Variants in TMEM41B observed in about 807,000 individuals in gnomAD.
TMEM41B encodes the protein protein stasimon.
A neutral mutation model predicts 31.9 loss-of-function variants in TMEM41B; 18 were observed. That is an observed-to-expected ratio of 0.56 (90% confidence interval 0.39 to 0.84). The LOEUF is 0.84. Among genes scored for constraint, TMEM41B ranks in the 40% least tolerant of loss-of-function variants. TMEM41B has a pLI of 0.00. For missense variants in TMEM41B, 322 were observed against 348.0 expected, an observed-to-expected ratio of 0.93 and a Z score of 0.59; for synonymous variants, 144 against 124.3, an observed-to-expected ratio of 1.16 and a Z score of -1.05.
Position 9,314,362 on chromosome 11 carries a change from G to C in TMEM41B, c.80C>G (p.Thr27Arg), listed in dbSNP as rs189862474. The change falls in exon 1 of 7, where the codon ACG becomes AGG. Residue 27 changes from threonine (T) to arginine (R), a missense_variant. Thr to Arg is a moderately conservative substitution (Grantham distance 71, BLOSUM62 -1). Around this residue, in one of 3 missense-constraint regions of TMEM41B, gnomAD observed 183 missense variants for 175.3 expected, o/e 1.04. Transcript: ENST00000528080. ...TTPVGDGAAG[T>R]RGLAAPGSRD... ...GCTGCCAGGCGCCGCGAGACCCCGCGTCCCCGCTGCCCCGTCCCCCACGGG... is the reference window on the plus strand; with the variant it reads ...GCTGCCAGGCGCCGCGAGACCCCGCCTCCCCGCTGCCCCGTCCCCCACGGG... 16 of 1,588,266 alleles carry C rather than the reference G, an allele frequency of 1.0e-5. No individual in the cohort carries two copies. Among genetic ancestry groups the C allele is most frequent in the African/African-American group, 1.4e-5 (1 of 73,906 alleles).
intron 3 of TMEM41B, among the ~76,000 whole-genome samples, chr11:9,288,817 T>C (rs1464343364): frequency 6.6e-6 from 1 of 152,150 alleles, no homozygotes; most frequent in East Asian, 1.9e-4. Flanking sequence ...TTCCGTAATC[T>C]TTTAGTGCTT....
chr11:9,309,825 G>C (rs562341938), intron 1 of TMEM41B, among the ~76,000 whole-genome samples: 88 of 150,762 alleles, frequency 5.8e-4, no homozygotes, highest in South Asian at 1.7e-3. Context: ...GGGAGGCTGA[G>C]GCAGGAGAAT....
In TMEM41B at chr11:9,314,529, C is replaced by T. The variant is rs1301547793; in HGVS notation, c.-88G>A. 6.9e-7 allele frequency: 1 copy of T among 1,453,354 alleles called. No homozygotes were observed. The highest frequency in any genetic ancestry group is 1.4e-5 in the African/African-American group (1 of 70,022). 90.0% of individuals were successfully genotyped at this position (1,453,354 alleles called of 1,614,324 possible). A position where few individuals can be genotyped will look rare whatever the true frequency, so the allele number is the denominator to read the frequency against. The stretch of plus-strand genomic sequence containing the variant: ...CAGGCTCCTTACTACGCCGAAGCGC[C>T]ACGGCTAGAGCCACTTCCGGCGCGA... On this transcript the variant is annotated 5_prime_UTR_variant, in exon 1 of 7. Coordinates refer to ENST00000528080, the MANE Select transcript of TMEM41B (RefSeq NM_015012.4).
chr11:9,291,526 C>A (rs970114043), intron 3 of TMEM41B, among the ~76,000 whole-genome samples: 4 of 151,746 alleles, frequency 2.6e-5, no homozygotes, highest in Admixed American at 2.6e-4. Context: ...CTCAGCCTCC[C>A]GAGTAGCTTG....
chr11:9,286,603 G>C lies in TMEM41B; in HGVS notation c.568-10C>G, dbSNP rs373114843. The C allele has an allele frequency of 5.7e-5, 90 of 1,585,146 alleles. No individual in the cohort carries two copies. The highest frequency in any genetic ancestry group is 7.4e-5 in the Non-Finnish European group (86 of 1,169,260). On this transcript the variant is annotated splice_polypyrimidine_tract_variant and intron_variant, in intron 5 of 6. Transcript: ENST00000528080. ...CTCTATGACGTTCAACCTGTCATAA[G>C]AAAGAAAAGAATTAGCATCAGATGA...
intron 1 of TMEM41B, among the ~76,000 whole-genome samples, chr11:9,303,489 A>C (rs895695890): frequency 2.0e-5 from 3 of 152,076 alleles, no homozygotes; most frequent in Non-Finnish European, 2.9e-5. Context: ...TTTCTGTTGA[A>C]ATAAGAATTG....
intron 2 of TMEM41B, among the ~76,000 whole-genome samples, chr11:9,296,910 C>T (rs1474135159): frequency 6.6e-6 from 1 of 151,996 alleles, no homozygotes; most frequent in Non-Finnish European, 1.5e-5. Flanking sequence ...ATATTATGAT[C>T]ATTTCTTTTT....
intron 1 of TMEM41B, chr11:9,311,324 C>T: frequency 2.0e-6 from 3 of 1,516,974 alleles, no homozygotes; most frequent in East Asian, 2.5e-5. Context: ...GCTTGCTATG[C>T]TTGTGCATCT....
At chr11:9,305,367 G>A (rs953505512) in intron 1 of TMEM41B, among the ~76,000 whole-genome samples, 5 of 152,100 alleles carry the variant, frequency 3.3e-5, no homozygotes, top group Admixed American at 6.6e-5. Context: ...GGAAGGCCAC[G>A]GTGGGCAGAT....
In TMEM41B at chr11:9,283,415, T is replaced by A; in HGVS notation, c.*9A>T. On this transcript the variant is annotated 3_prime_UTR_variant, in exon 7 of 7. Coordinates refer to ENST00000528080, the MANE Select transcript of TMEM41B (RefSeq NM_015012.4). ...GATGACAGCAAAACTAAAAATCAGATGATTATTTTTACTCAAATTTCTGCT... is the reference window on the plus strand; with the variant it reads ...GATGACAGCAAAACTAAAAATCAGAAGATTATTTTTACTCAAATTTCTGCT... 1 of 1,600,852 alleles carries A rather than the reference T, an allele frequency of 6.2e-7. No individual in the cohort carries two copies. The highest frequency in any genetic ancestry group is 8.5e-7 in the Non-Finnish European group (1 of 1,173,512).
In TMEM41B at chr11:9,287,578, CTTGAG is replaced by C. The variant is rs537810758; in HGVS notation, c.567+119_567+123del. The C allele has an allele frequency of 1.3e-4, 78 of 586,152 alleles. 1 individual carries two copies. The South Asian group carries it at 1.8e-3, about 13-fold the overall frequency. The allele number at this position is 586,152 out of a possible 1,614,324, so 36.3% of individuals were successfully genotyped here. On this transcript the variant is annotated intron_variant, in intron 5 of 6. Transcript: ENST00000528080. ...TTTGGTCAGAAGATAATTCTTATTA[CTTGAG>C]TTAACTTAGGAATTAATTTATGTTG... is the stretch of plus-strand genomic sequence containing the variant.
intron 3 of TMEM41B, among the ~76,000 whole-genome samples, 188 bp from the exon 4 acceptor site, chr11:9,288,723 G>C (rs1458139924): frequency 6.6e-6 from 1 of 152,124 alleles, no homozygotes; most frequent in Non-Finnish European, 1.5e-5. Context: ...GCTACTAAAA[G>C]GTTTCCAAGA....
chr11:9,286,009 GGAGGCT>G (rs887042081), intron 6 of TMEM41B, among the ~76,000 whole-genome samples: 1 of 152,106 alleles, frequency 6.6e-6, no homozygotes, highest in African/African-American at 2.4e-5. Flanking sequence ...CAGCTCCTTG[GGAGGCT>G]GAGGCAGGAG....
At chr11:9,295,236 C>T in intron 3 of TMEM41B, 23 bp downstream of exon 3, 8 of 1,489,936 alleles carry the variant, frequency 5.4e-6, no homozygotes, top group Non-Finnish European at 4.5e-6. Flanking sequence ...AATTAGAAAA[C>T]ATTTTTTCAG....
At chr11:9,294,948 TAATG>T in intron 3 of TMEM41B, 1 of 180,264 alleles carries the variant, frequency 5.5e-6, no homozygotes, top group Non-Finnish European at 1.1e-5. Flanking sequence ...TATCATCAGT[TAATG>T]AATACAATTA....
At chr11:9,303,661 T>TG (rs2133639835) in intron 1 of TMEM41B, among the ~76,000 whole-genome samples, 1 of 142,344 alleles carries the variant, frequency 7.0e-6, no homozygotes, top group East Asian at 2.0e-4. Context: ...TTTTTTTTTT[T>TG]TTTTTTTTTT....
chr11:9,293,384 T>C (rs915217855), intron 3 of TMEM41B, among the ~76,000 whole-genome samples: 3 of 152,196 alleles, frequency 2.0e-5, no homozygotes, highest in Non-Finnish European at 4.4e-5. Flanking sequence ...ATTACAGGAA[T>C]GAGCCACTAC....
chr11:9,302,937 A>G (rs1853292148), intron 1 of TMEM41B, among the ~76,000 whole-genome samples: 1 of 100,624 alleles, frequency 9.9e-6, no homozygotes. Flanking sequence ...TTAAGCACAG[A>G]ACTTTGATTC....
intron 1 of TMEM41B, among the ~76,000 whole-genome samples, chr11:9,313,414 T>C (rs7121013): frequency 0.39 from 60,025 of 152,082 alleles, 12,715 homozygotes; most frequent in East Asian, 0.5. Flanking sequence ...ACAGACAAAC[T>C]TGTTAGGATC....
Sources: gnomAD v4.1 joint callset for allele counts (sites outside exome capture counted in the v4.1 genomes callset) on GRCh38, gnomAD v4.1.1 for gene constraint, gnomAD v4.1.1 regional missense constraint, MANE v1.5 for transcripts, NCBI Gene and HGNC (gene_info 2026-07-23, HGNC 2026-07-21) for gene names.